SLC25A22: variants seen among roughly 807,000 people sequenced by gnomAD.
SLC25A22 encodes the protein solute carrier family 25 member 22, also known as mitochondrial glutamate carrier 1.
A neutral mutation model predicts 33.7 loss-of-function variants in SLC25A22; 23 were observed. The ratio of observed to expected loss-of-function variants is 0.68; its 90% CI spans 0.49 to 0.97. The LOEUF (loss-of-function observed/expected upper bound fraction) is 0.97. Ranked by LOEUF, SLC25A22 falls within the 50% of genes least tolerant of loss-of-function variation. The pLI is 0.00. For missense variants in SLC25A22, 390 were observed against 451.1 expected (o/e 0.86, Z 1.23); for synonymous variants, 245 against 203.8 (o/e 1.20, Z -1.72).
chr11:792,127 G>T lies in SLC25A22; in HGVS notation c.818+15C>A. 1 of 1,611,302 alleles carries T rather than the reference G, an allele frequency of 6.2e-7. No homozygotes were observed. Among genetic ancestry groups the T allele is most frequent in the Non-Finnish European group, 8.5e-7 (1 of 1,179,182 alleles). On this transcript the variant is annotated intron_variant, in intron 9 of 9. Transcript: ENST00000628067. ...CGCAGGCCCCCAGGCCCCACCCGCC[G>T]TGGGACCTCCCCACCTGGCACAGTC...
intron 1 of SLC25A22, among the ~76,000 whole-genome samples, chr11:797,217 C>T (rs2133728105): frequency 6.6e-6 from 1 of 152,314 alleles, no homozygotes; most frequent in African/African-American, 2.4e-5. Flanking sequence ...AGAGGCAGGC[C>T]TGGGCCCGCA....
chr11:792,099 G>A (rs1159296234), intron 9 of SLC25A22, 31 bp from the exon 10 acceptor site: 1 of 1,602,088 alleles, frequency 6.2e-7, no homozygotes, highest in Non-Finnish European at 8.5e-7. Flanking sequence ...GGTCAGCCCG[G>A]TACGCAGGCC....
In SLC25A22 at chr11:791,774, GACCCTGC is replaced by G. The variant is rs1232706360; in HGVS notation, c.*134_*140del. On this transcript the variant is annotated 3_prime_UTR_variant, in exon 10 of 10. Transcript: ENST00000628067. ...GGCTTGCGTGTGCACCACCTATGTG[GACCCTGC>G]ACCCTGCCCCCTGCTGCCCCTGCCG... is the stretch of plus-strand genomic sequence containing the variant. The G allele has an allele frequency of 3.3e-6, 4 of 1,194,586 alleles. No individual in the cohort carries two copies. Among genetic ancestry groups the G allele is most frequent in the Middle Eastern group, 2.9e-4 (1 of 3,486 alleles). 74.0% of individuals were successfully genotyped at this position (1,194,586 alleles called of 1,614,324 possible).
In SLC25A22 at chr11:791,914, C is replaced by G. The variant is rs768181465; in HGVS notation, c.*1G>C. Reference sequence around the variant, plus strand: ...TGGCTGGGGTGGAGCGGGTGCTGGGCTCAGGCCTGGGGGTCCTGCAGCAGC... The same window carrying G: ...TGGCTGGGGTGGAGCGGGTGCTGGGGTCAGGCCTGGGGGTCCTGCAGCAGC... On this transcript the variant is annotated 3_prime_UTR_variant, in exon 10 of 10. Coordinates refer to ENST00000628067, the MANE Select transcript of SLC25A22 (RefSeq NM_001191061.2). The G allele has an allele frequency of 3.1e-6, 5 of 1,594,802 alleles. No individual in the cohort carries two copies. The highest frequency in any genetic ancestry group is 3.4e-5 in the Admixed American group (2 of 59,404).
rs766788288 is a variant in SLC25A22, at chr11:791,940, C to G, written c.947G>C (p.Gly316Ala). The stretch of plus-strand genomic sequence containing the variant: ...TCAGGCCTGGGGGTCCTGCAGCAGC[C>G]CCAGCAGGGACTCCGCGATGCCCAG... ...YFLGIAESLL[G>A]LLQDPQA is the part of the protein sequence containing the mutation. The change falls in exon 10 of 10, where the codon GGG becomes GCG. Residue 316 changes from glycine to alanine, a missense_variant. Transcript: ENST00000628067. 6.2e-7 allele frequency: 1 copy of G among 1,602,712 alleles called. No homozygotes were observed. Among genetic ancestry groups the G allele is most frequent in the Non-Finnish European group, 8.5e-7 (1 of 1,179,414 alleles).
rs750685962 is a variant in SLC25A22, at chr11:792,102, C to A, written c.819-34G>T. On this transcript the variant is annotated intron_variant, in intron 9 of 9. Transcript: ENST00000628067. ...GAAGGACGAAAGGGTCAGCCCGGTA[C>A]GCAGGCCCCCAGGCCCCACCCGCCG... is the stretch of plus-strand genomic sequence containing the variant. 11 of 1,603,138 alleles carry A rather than the reference C, an allele frequency of 6.9e-6. No individual in the cohort carries two copies. The Admixed American group carries it at 8.5e-5, about 12-fold the overall frequency.
intron 1 of SLC25A22, chr11:795,380 ACC>A: frequency 1.1e-5 from 2 of 182,436 alleles, no homozygotes; most frequent in Non-Finnish European, 1.9e-5. Flanking sequence ...CCCCCTCCCC[ACC>A]GCCAGCGTCT....
intron 3 of SLC25A22, 128 bp from the exon 4 acceptor site, chr11:794,641 C>G: frequency 6.6e-7 from 1 of 1,520,378 alleles, no homozygotes; most frequent in African/African-American, 1.4e-5. Flanking sequence ...TCCTGACCCA[C>G]GTGGGATCTC....
chr11:793,730 C>T (rs1214842021), intron 4 of SLC25A22, 111 bp from the exon 5 acceptor site: 2 of 763,526 alleles, frequency 2.6e-6, no homozygotes, highest in Non-Finnish European at 4.5e-6. Context: ...CACTCCTGGC[C>T]ACCATCTGTT....
intron 1 of SLC25A22, 166 bp downstream of exon 1, chr11:798,051 G>A (rs1007431538): frequency 2.5e-6 from 1 of 398,388 alleles, no homozygotes; most frequent in Non-Finnish European, 4.4e-6. Flanking sequence ...CGCCAGAGCA[G>A]CCGCGGATCG....
chr11:793,224 G>A (rs1173820476), intron 5 of SLC25A22, among the ~76,000 whole-genome samples: 1 of 152,180 alleles, frequency 6.6e-6, no homozygotes, highest in East Asian at 1.9e-4. Flanking sequence ...TGCGACAAAG[G>A]AAAATGGGAA....
chr11:792,369 T>A lies in SLC25A22; in HGVS notation c.677A>T (p.Tyr226Phe). 6.2e-7 allele frequency: 1 copy of A among 1,613,170 alleles called. No individual in the cohort carries two copies. Among genetic ancestry groups the A allele is most frequent in the Non-Finnish European group, 8.5e-7 (1 of 1,179,918 alleles). ...CACACAGCCGGCCAGGAAGGACACG[T>A]AGAAAGGCGACTTCTCCTCGGACGC... Reference protein sequence around the residue: ...RPASEEKSPFYVSFLAGCVAG... With the variant: ...RPASEEKSPFFVSFLAGCVAG... Residue 226 changes from tyrosine (Y) to phenylalanine (F), a missense_variant, in exon 8 of 10, where the codon TAC (tyrosine) becomes TTC (phenylalanine). Coordinates refer to ENST00000628067, the MANE Select transcript of SLC25A22 (RefSeq NM_001191061.2).
chr11:792,220 G>C lies in SLC25A22; in HGVS notation c.743-3C>G. 1 of 1,612,944 alleles carries C rather than the reference G, an allele frequency of 6.2e-7. No homozygotes were observed. Among genetic ancestry groups the C allele is most frequent in the Non-Finnish European group, 8.5e-7 (1 of 1,179,922 alleles). On this transcript the variant is annotated splice_region_variant and splice_polypyrimidine_tract_variant and intron_variant, in intron 8 of 9. Coordinates refer to ENST00000628067, the MANE Select transcript of SLC25A22 (RefSeq NM_001191061.2). The stretch of plus-strand genomic sequence containing the variant: ...TGACTGGAGCCGCGTCTTCACCACT[G>C]CAAGGGGCGCTCGGGTCAGTGTGAG...
chr11:792,139 C>G lies in SLC25A22; in HGVS notation c.818+3G>C, dbSNP rs1590117588. The G allele has an allele frequency of 1.9e-6, 3 of 1,612,240 alleles. No homozygotes were observed. The highest frequency in any genetic ancestry group is 2.5e-6 in the Non-Finnish European group (3 of 1,179,620). On this transcript the variant is annotated splice_donor_region_variant and intron_variant, in intron 9 of 9. Transcript: ENST00000628067. ...GGCCCCACCCGCCGTGGGACCTCCC[C>G]ACCTGGCACAGTCCAGGATCCCAGA...
In SLC25A22 at chr11:792,669, C is replaced by G. The variant is rs1238871570; in HGVS notation, c.471G>C (p.Gln157His). 1.9e-6 allele frequency: 3 copies of G among 1,566,250 alleles called. No homozygotes were observed. In the South Asian group the frequency reaches 3.4e-5, roughly 18 times the overall value. ...GGGCAGCTGGAGCCTCCACTGAGGG[C>G]TGGGCACCCCCCTGGGCCGAGAGCT... Reference protein sequence around the residue: ...QGQLSAQGGAQPSVEAPAAPR... With the variant: ...QGQLSAQGGAHPSVEAPAAPR... The change falls in exon 7 of 10, where the codon CAG becomes CAC. Residue 157 changes from glutamine (Q) to histidine (H), a missense_variant. Physicochemically the swap from Gln to His is conservative, Grantham distance 24. Coordinates refer to ENST00000628067, the MANE Select transcript of SLC25A22 (RefSeq NM_001191061.2).
chr11:793,735 T>A (rs1864655054), intron 4 of SLC25A22, 116 bp from the exon 5 acceptor site: 4 of 739,760 alleles, frequency 5.4e-6, no homozygotes, highest in Non-Finnish European at 9.4e-6. Context: ...CTGGCCACCA[T>A]CTGTTCTCTC....
intron 4 of SLC25A22, chr11:794,224 T>A (rs1050258136): frequency 2.8e-6 from 2 of 702,834 alleles, no homozygotes; most frequent in Admixed American, 2.0e-5. Flanking sequence ...TACCATGGCA[T>A]CCCACGCACC....
intron 1 of SLC25A22, chr11:797,549 C>CGT (rs1864896746): frequency 2.5e-6 from 1 of 398,120 alleles, no homozygotes; most frequent in Non-Finnish European, 4.4e-6. Context: ...CAGGAAGATA[C>CGT]CGCTGCTTCC....
chr11:794,422 C>T, intron 4 of SLC25A22, 36 bp downstream of exon 4: 1 of 1,607,312 alleles, frequency 6.2e-7, no homozygotes, highest in Non-Finnish European at 8.5e-7. Flanking sequence ...GCTACCCAGG[C>T]CTGCCCATAT....
Sources: gnomAD v4.1 joint callset for allele counts (sites outside exome capture counted in the v4.1 genomes callset) on GRCh38, gnomAD v4.1.1 for gene constraint, MANE v1.5 for transcripts, NCBI Gene and HGNC (gene_info 2026-07-23, HGNC 2026-07-21) for gene names.